KLHDC1: variants seen among roughly 807,000 people sequenced by gnomAD.
KLHDC1 encodes the protein kelch domain-containing protein 1.
Under a neutral mutation model 68.3 loss-of-function variants are expected in KLHDC1, and 53 were observed. That is an observed-to-expected ratio of 0.78 (90% CI 0.62 to 0.98). The LOEUF (loss-of-function observed/expected upper bound fraction) is 0.98. Among genes scored for constraint, KLHDC1 ranks in the 50% least tolerant of loss-of-function variants. KLHDC1 has a pLI of 0.00. For synonymous variants in KLHDC1, 148 were observed against 159.0 expected (o/e 0.93, Z 0.52); for missense variants, 470 against 492.3 (o/e 0.95, Z 0.43).
In KLHDC1 at chr14:49,738,346, T is replaced by G. The variant is rs150787236; in HGVS notation, c.897-1752T>G. The stretch of plus-strand genomic sequence containing the variant: ...TTTTGTTTGGTTGGTTTTTTTGTTT[T>G]TTTTTTTTTTGAGTCAGAGTGTAGC... On this transcript the variant is annotated intron_variant, in intron 10 of 12. Coordinates refer to ENST00000359332, the MANE Select transcript of KLHDC1 (RefSeq NM_172193.3). 7.0e-4 allele frequency among the ~76,000 whole-genome samples: 106 copies of G among 151,190 alleles called. 2 individuals are homozygous for G. In the East Asian group the frequency reaches 0.018, roughly 25 times the overall value.
intron 4 of KLHDC1, among the ~76,000 whole-genome samples, chr14:49,715,014 C>G (rs967545633): frequency 6.9e-6 from 1 of 144,862 alleles, no homozygotes; most frequent in Non-Finnish European, 1.5e-5. Flanking sequence ...TTATTTTTAT[C>G]TATTTTATAT....
chr14:49,714,202 G>C (rs923284700), intron 4 of KLHDC1, among the ~76,000 whole-genome samples: 1 of 151,644 alleles, frequency 6.6e-6, no homozygotes, highest in Non-Finnish European at 1.5e-5. Flanking sequence ...GGCTGGGCGT[G>C]GTGGCTCACA....
intron 4 of KLHDC1, among the ~76,000 whole-genome samples, chr14:49,718,640 T>A (rs1420618132): frequency 6.6e-6 from 1 of 152,162 alleles, no homozygotes; most frequent in Admixed American, 6.6e-5. Context: ...TCTTCCTCAC[T>A]TCTGCTTTTA....
At chr14:49,741,118 T>C (rs993019843) in intron 11 of KLHDC1, among the ~76,000 whole-genome samples, 2 of 151,992 alleles carry the variant, frequency 1.3e-5, no homozygotes, top group Non-Finnish European at 2.9e-5. Flanking sequence ...TTTTATCTAA[T>C]ATTTGATACA....
At chr14:49,718,769 C>CTTTTTTTTTTTTTTTTTTTT (rs71115397) in intron 4 of KLHDC1, among the ~76,000 whole-genome samples, 27 of 76,826 alleles carry the variant, frequency 3.5e-4, no homozygotes, top group Admixed American at 5.5e-4. Flanking sequence ...TTCTTTCTTT[C>CTTTTTTTTTTTTTTTTTTTT]TTTTTTTTTT....
chr14:49,711,318 C>T (rs1888194684), intron 4 of KLHDC1, among the ~76,000 whole-genome samples: 2 of 152,212 alleles, frequency 1.3e-5, no homozygotes, highest in Admixed American at 6.5e-5. Flanking sequence ...TCTCTTGCCT[C>T]AGCCTCCCGA....
Position 49,704,043 on chromosome 14 carries a change from A to G in KLHDC1, c.97-5116A>G, listed in dbSNP as rs529664428. Among the ~76,000 whole-genome samples, 3 of 152,310 alleles carry G rather than the reference A, an allele frequency of 2.0e-5. No individual in the cohort carries two copies. In the South Asian group the frequency reaches 6.2e-4, roughly 32 times the overall value. On this transcript the variant is annotated intron_variant, in intron 1 of 12. Coordinates refer to ENST00000359332, the MANE Select transcript of KLHDC1 (RefSeq NM_172193.3). ...TTGGAAATGTCAGACTGTTACCAAAATATTTGTATCAATTTACACTCCCAC... is the reference window on the plus strand; with the variant it reads ...TTGGAAATGTCAGACTGTTACCAAAGTATTTGTATCAATTTACACTCCCAC...
chr14:49,730,230 T>G (rs981288870), intron 8 of KLHDC1, among the ~76,000 whole-genome samples: 4 of 149,872 alleles, frequency 2.7e-5, no homozygotes, highest in Non-Finnish European at 4.5e-5. Flanking sequence ...AGGTTTTTTT[T>G]TTTTTTTTTT....
rs567549958 is a variant in KLHDC1 at position 49,725,095 on chromosome 14, C to A, written c.484-591C>A. Among the ~76,000 whole-genome samples, 4 of 152,224 alleles carry A rather than the reference C, an allele frequency of 2.6e-5. No homozygotes were observed. The East Asian group carries it at 7.7e-4, about 29-fold the overall frequency. Reference sequence around the variant, plus strand: ...TTTCTGACACACAATATAAAACTGGCACAGAGATCATCTAGAGTAGTGATA... The same window carrying A: ...TTTCTGACACACAATATAAAACTGGAACAGAGATCATCTAGAGTAGTGATA... On this transcript the variant is annotated intron_variant, in intron 5 of 12. Coordinates refer to ENST00000359332, the MANE Select transcript of KLHDC1 (RefSeq NM_172193.3).
rs992092493 is a variant in KLHDC1, at chr14:49,711,910, C to CTTTTTTTTTTTTTTTT, written c.404+1541_404+1556dup. Among the ~76,000 whole-genome samples, 34 of 76,608 alleles carry CTTTTTTTTTTTTTTTT rather than the reference C, an allele frequency of 4.4e-4. 1 individual carries two copies. The highest frequency in any genetic ancestry group is 0.017 in the Middle Eastern group (1 of 60). The allele number at this position is 76,608 out of a possible 152,430, so 50.3% of individuals were successfully genotyped here. On this transcript the variant is annotated intron_variant, in intron 4 of 12. Coordinates refer to ENST00000359332, the MANE Select transcript of KLHDC1 (RefSeq NM_172193.3). ...TTATATGTCTTTCTTTTTTCTTTTT[C>CTTTTTTTTTTTTTTTT]TTTTTTTTTTTTTTTTTTTTTTTTT...
chr14:49,729,052 C>A (rs373662614), intron 7 of KLHDC1, 43 bp downstream of exon 7: 1 of 1,298,970 alleles, frequency 7.7e-7, no homozygotes, highest in Non-Finnish European at 1.1e-6. Context: ...GTGCAATGCT[C>A]CTTATAAAAA....
chr14:49,693,236 C>T lies in KLHDC1; in HGVS notation c.42C>T (p.Ser14=). 6.4e-7 allele frequency: 1 copy of T among 1,573,040 alleles called. No homozygotes were observed. The highest frequency in any genetic ancestry group is 8.6e-7 in the Non-Finnish European group (1 of 1,161,858). ...SQLFCVAEER[S]GHCAVVDGNF... is the part of the protein sequence containing the mutation. ...TGTTCTGTGTGGCGGAGGAACGCAG[C>T]GGCCACTGCGCCGTGGTGGACGGAA... The change falls in exon 1 of 13, where the codon AGC becomes AGT. Residue 14 remains serine (S), a synonymous_variant. Transcript: ENST00000359332.
chr14:49,741,626 A>C (rs560836389), intron 11 of KLHDC1, among the ~76,000 whole-genome samples: 2 of 151,952 alleles, frequency 1.3e-5, no homozygotes, highest in African/African-American at 4.8e-5. Context: ...TTTACTATAT[A>C]TCTTTTACCA....
At chr14:49,713,340 T>C (rs1888259681) in intron 4 of KLHDC1, among the ~76,000 whole-genome samples, 1 of 152,140 alleles carries the variant, frequency 6.6e-6, no homozygotes, top group Non-Finnish European at 1.5e-5. Context: ...GCTGCCTAGA[T>C]CCATTTTTGT....
At position 49,725,673 on chromosome 14, in the gene KLHDC1, A is replaced by C; in HGVS notation, c.484-13A>C. The C allele has an allele frequency of 1.7e-6, 2 of 1,186,672 alleles. No homozygotes were observed. The highest frequency in any genetic ancestry group is 3.9e-4 in the Middle Eastern group (2 of 5,064). 73.5% of individuals were successfully genotyped at this position (1,186,672 alleles called of 1,614,324 possible). The stretch of plus-strand genomic sequence containing the variant: ...ATTAAAGCTTTGAGATATTTAAAAC[A>C]TTTCTCTTTTAGGAAGAGCAGATAT... On this transcript the variant is annotated splice_polypyrimidine_tract_variant and intron_variant, in intron 5 of 12. Transcript: ENST00000359332.
At chr14:49,712,937 G>A (rs1024862635) in intron 4 of KLHDC1, among the ~76,000 whole-genome samples, 45 of 151,232 alleles carry the variant, frequency 3.0e-4, no homozygotes, top group African/African-American at 1.0e-3. Flanking sequence ...ACCATGCCCG[G>A]CCCATAGCTA....
chr14:49,720,003 T>C (rs1429387544), intron 4 of KLHDC1, among the ~76,000 whole-genome samples: 1 of 150,686 alleles, frequency 6.6e-6, no homozygotes, highest in Non-Finnish European at 1.5e-5. Flanking sequence ...TTTTTTTTTT[T>C]TGAGACAGTG....
intron 4 of KLHDC1, among the ~76,000 whole-genome samples, chr14:49,721,886 C>T (rs561644132): frequency 6.6e-6 from 1 of 152,302 alleles, no homozygotes; most frequent in African/African-American, 2.4e-5. Context: ...ATCTCCTCCC[C>T]TGGCCTTTGG....
At chr14:49,710,462 G>C (rs1360357163) in intron 4 of KLHDC1, 81 bp downstream of exon 4, 1 of 728,678 alleles carries the variant, frequency 1.4e-6, no homozygotes, top group East Asian at 2.6e-5. Context: ...AATGCTTAAA[G>C]GTATGAGTTT....
Sources: allele counts gnomAD v4.1 joint callset (sites outside exome capture counted in the v4.1 genomes callset), GRCh38; gene constraint gnomAD v4.1.1; transcripts MANE v1.5; gene names NCBI Gene and HGNC (gene_info 2026-07-23, HGNC 2026-07-21).